Variants in WWOX observed in about 807,000 individuals in gnomAD.
The protein encoded by WWOX is WW domain-containing oxidoreductase.
Under a neutral mutation model 46.2 loss-of-function variants are expected in WWOX, and 69 were observed. The observed-to-expected ratio is 1.49, with a 90% CI of 1.23 to 1.82. WWOX has a LOEUF of 1.82. WWOX is among the 40% of genes most tolerant of loss of function. The pLI, the probability that WWOX is intolerant of heterozygous loss-of-function variation, is 0.00. For synonymous variants in WWOX, 359 were observed against 202.6 expected (o/e 1.77, Z -6.56); for missense variants, 919 against 542.6 (o/e 1.69, Z -6.89).
chr16:78,261,420 A>AAATAAATG (rs1160610455), intron 5 of WWOX, among the ~76,000 whole-genome samples: 1 of 149,478 alleles, frequency 6.7e-6, no homozygotes, highest in East Asian at 1.9e-4. Flanking sequence ...ATAAATAAAT[A>AAATAAATG]AATAAATAAA....
rs75773316 is a variant in WWOX, at chr16:78,509,241, C to T, written c.1056+76489C>T. 4.8e-3 allele frequency among the ~76,000 whole-genome samples: 738 copies of T among 152,304 alleles called. 8 individuals carry two copies. Among genetic ancestry groups the T allele is most frequent in the East Asian group, 0.036 (188 of 5,178 alleles). On this transcript the variant is annotated intron_variant, in intron 8 of 8. Coordinates refer to ENST00000566780, the MANE Select transcript of WWOX (RefSeq NM_016373.4). Reference sequence around the variant, plus strand: ...ATCACCTGAGGTCAGAAATTCAAGACCAGCCTGGCCAACATGGCAAAACCC... The same window carrying T: ...ATCACCTGAGGTCAGAAATTCAAGATCAGCCTGGCCAACATGGCAAAACCC...
intron 8 of WWOX, among the ~76,000 whole-genome samples, chr16:78,640,226 G>GTTTTTTT (rs34129775): frequency 1.2e-4 from 8 of 65,342 alleles, no homozygotes; most frequent in Non-Finnish European, 1.6e-4. Flanking sequence ...TTGTTGTTGG[G>GTTTTTTT]TTTTTTTTTT....
At chr16:78,298,739 C>T (rs1486775268) in intron 5 of WWOX, among the ~76,000 whole-genome samples, 2 of 149,802 alleles carry the variant, frequency 1.3e-5, no homozygotes, top group Non-Finnish European at 3.0e-5. Flanking sequence ...TGTGGTGAGC[C>T]AAGATCGCAC....
intron 5 of WWOX, among the ~76,000 whole-genome samples, chr16:78,340,357 G>A (rs111359089): frequency 0.23 from 26,667 of 116,440 alleles, 8,467 homozygotes; most frequent in African/African-American, 0.38. Flanking sequence ...TCACCAAGCC[G>A]AACTAATTTA....
At chr16:79,082,177 C>A (rs1274544852) in intron 8 of WWOX, among the ~76,000 whole-genome samples, 2 of 152,170 alleles carry the variant, frequency 1.3e-5, no homozygotes, top group East Asian at 1.9e-4. Context: ...AAATCTGATT[C>A]CCTGACACTC....
intron 8 of WWOX, among the ~76,000 whole-genome samples, chr16:78,702,582 G>T (rs7199674): frequency 0.49 from 73,672 of 151,120 alleles, 18,471 homozygotes; most frequent in Admixed American, 0.55. Context: ...TTGAATCTGG[G>T]AGGTGGAGGT....
chr16:78,678,963 C>A (rs2047666622), intron 8 of WWOX, among the ~76,000 whole-genome samples: 1 of 152,140 alleles, frequency 6.6e-6, no homozygotes, highest in African/African-American at 2.4e-5. Context: ...ATCAGTTCAG[C>A]CTGGCCCTAG....
chr16:78,900,416 T>G (rs1597125265), intron 8 of WWOX, among the ~76,000 whole-genome samples: 1 of 152,336 alleles, frequency 6.6e-6, no homozygotes, highest in East Asian at 1.9e-4. Context: ...TAATTTGTTT[T>G]TTATTTTTCC....
intron 5 of WWOX, among the ~76,000 whole-genome samples, chr16:78,191,640 G>A (rs1380611654): frequency 6.6e-6 from 1 of 151,982 alleles, no homozygotes; most frequent in African/African-American, 2.4e-5. Flanking sequence ...GCTCCAGTTT[G>A]GTGGAATTAA....
intron 8 of WWOX, among the ~76,000 whole-genome samples, chr16:79,044,279 G>C (rs180875202): frequency 3.3e-5 from 5 of 152,154 alleles, no homozygotes; most frequent in Admixed American, 3.3e-4. Flanking sequence ...TCCAGCTGGC[G>C]GTCTGATACA....
intron 8 of WWOX, among the ~76,000 whole-genome samples, chr16:79,005,223 C>T (rs1412794837): frequency 6.6e-6 from 1 of 152,090 alleles, no homozygotes; most frequent in African/African-American, 2.4e-5. Flanking sequence ...AAGGCCATCT[C>T]CACCCACCTA....
At chr16:78,226,482 TTCCCTCCC>T (rs56126537) in intron 5 of WWOX, among the ~76,000 whole-genome samples, 19,220 of 134,118 alleles carry the variant, frequency 0.14, 1,573 homozygotes, top group African/African-American at 0.24. Flanking sequence ...CTGTCCTGTC[TTCCCTCCC>T]TCCCTCCCTC....
chr16:79,176,292 G>C (rs962810077), intron 8 of WWOX, among the ~76,000 whole-genome samples: 2 of 152,198 alleles, frequency 1.3e-5, no homozygotes, highest in Non-Finnish European at 2.9e-5. Context: ...CAGCCACTTA[G>C]TGGTTCCATT....
chr16:78,185,474 A>G (rs1234998018), intron 5 of WWOX, among the ~76,000 whole-genome samples: 1 of 150,510 alleles, frequency 6.6e-6, no homozygotes, highest in Non-Finnish European at 1.5e-5. Context: ...TTCAAGTTGA[A>G]CTGTGAACTG....
chr16:78,578,997 A>C (rs1315818833), intron 8 of WWOX, among the ~76,000 whole-genome samples: 2 of 152,222 alleles, frequency 1.3e-5, no homozygotes, highest in Non-Finnish European at 2.9e-5. Context: ...CAGTAACATT[A>C]GTATTACATT....
At chr16:78,747,387 A>T (rs1328696329) in intron 8 of WWOX, among the ~76,000 whole-genome samples, 1 of 151,992 alleles carries the variant, frequency 6.6e-6, no homozygotes, top group African/African-American at 2.4e-5. Context: ...CAGTTTAAAT[A>T]TCACTTTCTC....
At chr16:78,530,576 A>G (rs1319605437) in intron 8 of WWOX, among the ~76,000 whole-genome samples, 1 of 152,066 alleles carries the variant, frequency 6.6e-6, no homozygotes, top group Non-Finnish European at 1.5e-5. Context: ...TTTTATGGGT[A>G]CAGGATTGGG....
intron 5 of WWOX, among the ~76,000 whole-genome samples, chr16:78,367,019 G>T (rs1259230337): frequency 2.4e-5 from 3 of 123,294 alleles, no homozygotes; most frequent in Admixed American, 1.1e-4. Flanking sequence ...TTGCTCTGTT[G>T]CCCAGGCTGG....
intron 5 of WWOX, among the ~76,000 whole-genome samples, chr16:78,234,914 C>CT (rs796506440): frequency 2.4e-4 from 37 of 151,488 alleles, no homozygotes; most frequent in Admixed American, 8.5e-4. Context: ...CTTCACTTTT[C>CT]TTTTTTTTCT....
Sources: gnomAD v4.1 joint callset for allele counts (sites outside exome capture counted in the v4.1 genomes callset) on GRCh38, gnomAD v4.1.1 for gene constraint, MANE v1.5 for transcripts, NCBI Gene and HGNC (gene_info 2026-07-23, HGNC 2026-07-21) for gene names.